The following LAMC1 variants were observed in gnomAD, a reference collection of about 807,000 sequenced individuals.
The protein encoded by LAMC1 is laminin subunit gamma-1.
LAMC1 carries 38 observed loss-of-function variants against 173.6 expected under a neutral mutation model. That is an observed-to-expected ratio of 0.22 (90% CI 0.17 to 0.29). LAMC1 has a LOEUF of 0.29. Among genes scored for constraint, LAMC1 ranks in the 10% least tolerant of loss-of-function variants. LAMC1 has a pLI of 1.00. For missense variants in LAMC1, 1,824 were observed against 2,051.8 expected (o/e 0.89, Z 2.14); for synonymous variants, 746 against 749.1 (o/e 1.00, Z 0.07).
In LAMC1 at chr1:183,028,815, G is replaced by A. The variant is rs187739613; in HGVS notation, c.418+4681G>A. 1.7e-3 allele frequency among the ~76,000 whole-genome samples: 255 copies of A among 152,244 alleles called. 2 individuals are homozygous for A. The highest frequency in any genetic ancestry group is 5.1e-3 in the African/African-American group (210 of 41,524). ...ACGCTTCGTGGATGAACTCGTGTTT[G>A]TCTCAAGGCTTTATTTGCAATTTCA... On this transcript the variant is annotated intron_variant, in intron 1 of 27. Coordinates refer to ENST00000258341, the MANE Select transcript of LAMC1 (RefSeq NM_002293.4).
intron 1 of LAMC1, among the ~76,000 whole-genome samples, chr1:183,083,955 C>T (rs764360224): frequency 1.6e-4 from 24 of 152,172 alleles, no homozygotes; most frequent in Non-Finnish European, 3.2e-4. Context: ...TATCTCAAGC[C>T]ATGCATACTG....
intron 11 of LAMC1, among the ~76,000 whole-genome samples, chr1:183,120,062 C>T (rs896378918): frequency 5.4e-5 from 8 of 148,740 alleles, no homozygotes; most frequent in Non-Finnish European, 7.4e-5. Flanking sequence ...CTAGCTACCT[C>T]GGAGGCTGAG....
rs1656853943 is a variant in LAMC1 at position 183,133,444 on chromosome 1, A to C, written c.3743A>C (p.Lys1248Thr). The C allele has an allele frequency of 6.2e-7, 1 of 1,614,040 alleles. No homozygotes were observed. The change falls in exon 22 of 28, where the codon AAA becomes ACA. Residue 1248 changes from lysine (K) to threonine (T), a missense_variant. Coordinates refer to ENST00000258341, the MANE Select transcript of LAMC1 (RefSeq NM_002293.4). ...AAGAACATCTCACAGGATCTGGAAA[A>C]ACAAGCTGCCCGAGTACATGAGGAG... Reference protein sequence around the residue: ...QAKNISQDLEKQAARVHEEAK... With the variant: ...QAKNISQDLETQAARVHEEAK...
chr1:183,140,854 C>A (rs1657094281), intron 27 of LAMC1: 1 of 157,580 alleles, frequency 6.3e-6, no homozygotes, highest in African/African-American at 2.4e-5. Flanking sequence ...ACACTGTGGT[C>A]TGAGGAGTTT....
In LAMC1 at chr1:183,143,822, T is replaced by C. The variant is rs1657183125; in HGVS notation, c.*1032T>C. On this transcript the variant is annotated 3_prime_UTR_variant, in exon 28 of 28. Coordinates refer to ENST00000258341, the MANE Select transcript of LAMC1 (RefSeq NM_002293.4). ...GGCAGCTTGTACTGTCAGAATCCCG[T>C]GTATCCATTTGTTCTTCTGTTGGAG... 2 of 152,202 alleles carry C rather than the reference T, an allele frequency of 1.3e-5. No individual in the cohort carries two copies. The highest frequency in any genetic ancestry group is 4.1e-4 in the South Asian group (2 of 4,830). The allele number at this position is 152,202 out of a possible 1,614,324, so 9.4% of individuals were successfully genotyped here. A position where few individuals can be genotyped will look rare whatever the true frequency, so the allele number is the denominator to read the frequency against.
intron 5 of LAMC1, 87 bp from the exon 6 acceptor site, chr1:183,115,433 A>T (rs1471760644): frequency 1.1e-6 from 1 of 882,110 alleles, no homozygotes; most frequent in Non-Finnish European, 1.9e-6. Context: ...CATTGCTTTT[A>T]ATTACCAGTT....
intron 1 of LAMC1, among the ~76,000 whole-genome samples, chr1:183,086,295 C>T (rs1359096858): frequency 1.3e-5 from 2 of 152,170 alleles, no homozygotes; most frequent in Non-Finnish European, 2.9e-5. Context: ...GGTCTTTGCT[C>T]CAAACTTGTG....
rs1309216542 is a variant in LAMC1 at position 183,139,869 on chromosome 1, G to A, written c.4474-535G>A. ...CCCAATAAATGAGTATGTGTGTCAG[G>A]GGGACTGTGGCTGGGTCATTGCATG... On this transcript the variant is annotated intron_variant, in intron 26 of 27. Transcript: ENST00000258341. Among the ~76,000 whole-genome samples, 4 of 152,090 alleles carry A rather than the reference G, an allele frequency of 2.6e-5. No homozygotes were observed. In the East Asian group the frequency reaches 5.8e-4, roughly 22 times the overall value.
At chr1:183,085,386 A>G (rs1381543555) in intron 1 of LAMC1, among the ~76,000 whole-genome samples, 4 of 151,978 alleles carry the variant, frequency 2.6e-5, no homozygotes, top group African/African-American at 7.3e-5. Context: ...TTTTTGAGTC[A>G]GGATCTTGCT....
chr1:183,091,768 A>G (rs1326056802), intron 1 of LAMC1, among the ~76,000 whole-genome samples: 1 of 152,050 alleles, frequency 6.6e-6, no homozygotes. Flanking sequence ...GCAGAAGTTA[A>G]CTCTTTGCTT....
chr1:183,102,849 G>C (rs1026648444), intron 1 of LAMC1, among the ~76,000 whole-genome samples: 1 of 152,118 alleles, frequency 6.6e-6, no homozygotes, highest in Non-Finnish European at 1.5e-5. Context: ...GAAGAATAGA[G>C]CTGATGATAT....
chr1:183,082,991 T>A (rs1655326304), intron 1 of LAMC1, among the ~76,000 whole-genome samples: 1 of 152,204 alleles, frequency 6.6e-6, no homozygotes, highest in Non-Finnish European at 1.5e-5. Context: ...GTTAGTGAAA[T>A]GCTCATGCTT....
chr1:183,134,998 A>T (rs376667820), intron 23 of LAMC1, 44 bp from the exon 24 acceptor site: 1 of 1,507,974 alleles, frequency 6.6e-7, no homozygotes, highest in Non-Finnish European at 9.2e-7. Context: ...GACAGAAGGG[A>T]TTTGCTTTGA....
rs1653586163 is a variant in LAMC1, at chr1:183,023,501, G to A, written c.-216G>A. 4.3e-6 allele frequency: 1 copy of A among 235,280 alleles called. No homozygotes were observed. Among genetic ancestry groups the A allele is most frequent in the Non-Finnish European group, 8.0e-6 (1 of 125,702 alleles). The allele number at this position is 235,280 out of a possible 1,614,324, so 14.6% of individuals were successfully genotyped here. ...GGGTAGGTGAGGGAAGCGCGGAGGCGGCGCGCGGGGGCAGTGGTCGGCGAG... is the reference window on the plus strand; with the variant it reads ...GGGTAGGTGAGGGAAGCGCGGAGGCAGCGCGCGGGGGCAGTGGTCGGCGAG... On this transcript the variant is annotated 5_prime_UTR_variant, in exon 1 of 28. Transcript: ENST00000258341.
At chr1:183,070,776 C>T (rs893582015) in intron 1 of LAMC1, among the ~76,000 whole-genome samples, 3 of 151,930 alleles carry the variant, frequency 2.0e-5, no homozygotes, top group Non-Finnish European at 4.4e-5. Context: ...TAATGTCAAC[C>T]TCGGCAAATT....
chr1:183,117,510 C>T, intron 9 of LAMC1, 24 bp from the exon 10 acceptor site: 4 of 1,612,052 alleles, frequency 2.5e-6, no homozygotes, highest in Non-Finnish European at 3.4e-6. Flanking sequence ...CACATTCTTG[C>T]CCACCATTGT....
At chr1:183,095,449 G>A (rs2102063001) in intron 1 of LAMC1, among the ~76,000 whole-genome samples, 1 of 152,268 alleles carries the variant, frequency 6.6e-6, no homozygotes, top group South Asian at 2.1e-4. Flanking sequence ...CAATTATGGT[G>A]TCTTTTTCAT....
At chr1:183,034,724 G>A (rs1011162285) in intron 1 of LAMC1, among the ~76,000 whole-genome samples, 10 of 152,168 alleles carry the variant, frequency 6.6e-5, no homozygotes, top group African/African-American at 2.2e-4. Flanking sequence ...TTTGAATAAA[G>A]ATCTAAAAGT....
chr1:183,040,946 T>C (rs1235969891), intron 1 of LAMC1, among the ~76,000 whole-genome samples: 2 of 152,164 alleles, frequency 1.3e-5, no homozygotes, highest in Non-Finnish European at 2.9e-5. Context: ...AAAGGAGATA[T>C]GACTATAGAA....
Sources: allele counts gnomAD v4.1 joint callset (sites outside exome capture counted in the v4.1 genomes callset), GRCh38; gene constraint gnomAD v4.1.1; transcripts MANE v1.5; gene names NCBI Gene and HGNC (gene_info 2026-07-23, HGNC 2026-07-21).